The following DIDO1 variants were observed in gnomAD, a reference collection of about 807,000 sequenced individuals.
The protein encoded by DIDO1 is death-inducer obliterator 1.
In DIDO1, 16 loss-of-function variants were observed where a neutral mutation model predicts 99.4. The ratio of observed to expected loss-of-function variants is 0.16; its 90% CI spans 0.11 to 0.24. DIDO1 has a LOEUF of 0.24. Ranked by LOEUF, DIDO1 falls within the 10% of genes least tolerant of loss-of-function variation. DIDO1 has a pLI of 1.00. For missense variants in DIDO1, 2,996 were observed against 3,014.0 expected (o/e 0.99, Z 0.14); for synonymous variants, 1,366 against 1,239.1 (o/e 1.10, Z -2.15).
At chr20:62,934,733 C>T (rs953481397) in intron 1 of DIDO1, among the ~76,000 whole-genome samples, 3 of 152,186 alleles carry the variant, frequency 2.0e-5, no homozygotes, top group Non-Finnish European at 4.4e-5. Flanking sequence ...TGCTCTCTCA[C>T]CAAAAACCAT....
chr20:62,896,495 AT>A lies in DIDO1; in HGVS notation c.2054+35del. On this transcript the variant is annotated intron_variant, in intron 7 of 15. Transcript: ENST00000395343. This position sits in a 1 kb window ranked among gnomAD's most constrained non-coding sequence, Gnocchi z 4.4. The stretch of plus-strand genomic sequence containing the variant: ...GCCACACTCTAATGAAAGCCCTTCC[AT>A]TTTAATGGGTAAGAAATCAAGCAGA... The A allele has an allele frequency of 6.3e-7, 1 of 1,579,626 alleles. No homozygotes were observed. The highest frequency in any genetic ancestry group is 8.6e-7 in the Non-Finnish European group (1 of 1,165,982).
At chr20:62,889,439 C>T (rs893692784) in intron 15 of DIDO1, 7 of 985,312 alleles carry the variant, frequency 7.1e-6, no homozygotes, top group Non-Finnish European at 8.4e-6. Context: ...GATGAAATAT[C>T]GCCTCAATTG....
chr20:62,915,076 C>T (rs2065015263), intron 1 of DIDO1, among the ~76,000 whole-genome samples: 1 of 152,184 alleles, frequency 6.6e-6, no homozygotes, highest in African/African-American at 2.4e-5. Flanking sequence ...AACTGAGCCC[C>T]AGCTCTCACC....
intron 1 of DIDO1, among the ~76,000 whole-genome samples, chr20:62,932,311 AG>A (rs1339615608): frequency 6.6e-6 from 1 of 152,248 alleles, no homozygotes; most frequent in East Asian, 1.9e-4. Flanking sequence ...TGGGAAACAT[AG>A]GAACTCTTAT....
intron 6 of DIDO1, among the ~76,000 whole-genome samples, chr20:62,897,624 T>C (rs2064566551): frequency 6.6e-6 from 1 of 152,232 alleles, no homozygotes; most frequent in South Asian, 2.1e-4. Flanking sequence ...AATGCGTCCA[T>C]TCACAGCCCT....
upstream of DIDO1, among the ~76,000 whole-genome samples, chr20:62,929,692 A>AAAAAATATATATATATAT: frequency 1.6e-5 from 1 of 63,710 alleles, no homozygotes; most frequent in Non-Finnish European, 3.0e-5. Flanking sequence ...AAAAAGAAAA[A>AAAAAATATATATATATAT]GTGTATATAT....
In DIDO1 at chr20:62,911,775, T is replaced by A. The variant is rs2064948578; in HGVS notation, c.-2-161A>T. On this transcript the variant is annotated intron_variant, in intron 2 of 15. Coordinates refer to ENST00000395343, the MANE Select transcript of DIDO1 (RefSeq NM_001193369.2). The surrounding 1 kb of genome is among the most constrained non-coding windows in gnomAD (Gnocchi z 7.0). ...GTTTCCTAATGTGTGCTATGTGAGA[T>A]GATTCAAGATGATTTGTAAAGATAA... Among the ~76,000 whole-genome samples, 1 of 152,244 alleles carries A rather than the reference T, an allele frequency of 6.6e-6. No homozygotes were observed. The highest frequency in any genetic ancestry group is 1.5e-5 in the Non-Finnish European group (1 of 68,036).
rs559106987 is a variant in DIDO1, at chr20:62,902,619, T to A, written c.1588+3268A>T. Among the ~76,000 whole-genome samples the A allele has an allele frequency of 7.9e-5, 12 of 152,322 alleles. No homozygotes were observed. The East Asian group carries it at 2.3e-3, about 29-fold the overall frequency. On this transcript the variant is annotated intron_variant, in intron 6 of 15. Transcript: ENST00000395343. ...GGGTCCTCTTAGGATTTCAGTGAAA[T>A]GTGCTTCTGGAGCCCACACCATGAG...
At chr20:62,925,850 G>T (rs1030582441) in intron 1 of DIDO1, among the ~76,000 whole-genome samples, 6 of 152,212 alleles carry the variant, frequency 3.9e-5, no homozygotes, top group African/African-American at 1.4e-4. Flanking sequence ...AACCAGCGCG[G>T]GGAGGTAAGG....
At chr20:62,919,656 G>C (rs948592169) in intron 1 of DIDO1, among the ~76,000 whole-genome samples, 1 of 152,210 alleles carries the variant, frequency 6.6e-6, no homozygotes. Flanking sequence ...TTGGGTATTT[G>C]TGTTTTTATA....
chr20:62,935,752 G>A (rs1276717800), intron 1 of DIDO1, among the ~76,000 whole-genome samples: 1 of 152,370 alleles, frequency 6.6e-6, no homozygotes, highest in East Asian at 1.9e-4. Flanking sequence ...ATGTTAGAAG[G>A]ATAGAGTCAA....
At chr20:62,900,570 C>T (rs1036344245) in intron 6 of DIDO1, among the ~76,000 whole-genome samples, 1 of 152,214 alleles carries the variant, frequency 6.6e-6, no homozygotes, top group Admixed American at 6.5e-5. Context: ...AAATATGGGG[C>T]AAGAGACCAA....
intron 15 of DIDO1, 137 bp from the exon 16 acceptor site, chr20:62,882,551 G>A: frequency 1.1e-6 from 1 of 892,062 alleles, no homozygotes; most frequent in Admixed American, 2.8e-5. Context: ...ATAAGATCAA[G>A]TGTCAAGACA....
chr20:62,901,991 G>C (rs1200603670), intron 6 of DIDO1, among the ~76,000 whole-genome samples: 2 of 151,896 alleles, frequency 1.3e-5, no homozygotes, highest in Admixed American at 6.6e-5. Context: ...ACTATGAGTA[G>C]ATCCACAGCT....
chr20:62,937,234 A>G lies in DIDO1; in HGVS notation c.-200+562T>C, dbSNP rs564029854. On this transcript the variant is annotated intron_variant, in intron 1 of 15. Coordinates refer to the DIDO1 transcript ENST00000266070. ...CTATTTCTTCCTTCGGCTCTATCAA[A>G]TATTTTAAGGTACTTCCCAGCAACG... is the stretch of plus-strand genomic sequence containing the variant. Among the ~76,000 whole-genome samples the G allele has an allele frequency of 2.6e-5, 4 of 152,386 alleles. No individual in the cohort carries two copies. The East Asian group carries it at 7.7e-4, about 29-fold the overall frequency.
Position 62,911,432 on chromosome 20 carries a change from G to C in DIDO1, c.181C>G (p.Leu61Val). ...PPPQQQLGLS[L>V]RRSGRQPKRT... ...TTGGGCTGCCTCCCACTGCGCCGCA[G>C]GGACAGGCCCAGCTGCTGCTGTGGG... The change falls in exon 3 of 16, where the codon CTG becomes GTG. Residue 61 changes from leucine to valine, a missense_variant. This residue lies in a region of DIDO1 where 388 missense variants were observed against 376.6 expected (regional missense o/e 1.03). Transcript: ENST00000395343. The surrounding 1 kb of genome is among the most constrained non-coding windows in gnomAD (Gnocchi z 7.0). The C allele has an allele frequency of 6.2e-7, 1 of 1,611,728 alleles. No individual in the cohort carries two copies. The highest frequency in any genetic ancestry group is 1.7e-5 in the Admixed American group (1 of 59,868).
intron 1 of DIDO1, among the ~76,000 whole-genome samples, chr20:62,925,596 T>C (rs1568889812): frequency 6.6e-6 from 1 of 152,218 alleles, no homozygotes; most frequent in Non-Finnish European, 1.5e-5. Flanking sequence ...CTGCTACCTG[T>C]GGCCCAAACT....
chr20:62,906,230 C>A, intron 5 of DIDO1, 130 bp from the exon 6 acceptor site: 2 of 1,231,186 alleles, frequency 1.6e-6, no homozygotes, highest in Non-Finnish European at 2.2e-6. Flanking sequence ...ACCCATCCTG[C>A]GCCTGCTTGG....
chr20:62,887,609 G>A (rs1035186731), intron 15 of DIDO1: 1 of 985,560 alleles, frequency 1.0e-6, no homozygotes, highest in Non-Finnish European at 1.2e-6. Flanking sequence ...TCCGAGGCCT[G>A]CGGCTTCACG....
Sources: allele counts gnomAD v4.1 joint callset (sites outside exome capture counted in the v4.1 genomes callset), GRCh38; gene constraint gnomAD v4.1.1; regional missense constraint gnomAD v4.1.1; non-coding constraint Gnocchi (gnomAD v3.1); transcripts MANE v1.5; gene names NCBI Gene and HGNC (gene_info 2026-07-23, HGNC 2026-07-21).